Variants in DNAAF10 observed in about 807,000 individuals in gnomAD.
The protein encoded by DNAAF10 is WD repeat domain 92.
Under a neutral mutation model 43.7 loss-of-function variants are expected in DNAAF10, and 28 were observed. The ratio of observed to expected loss-of-function variants is 0.64; its 90% CI spans 0.48 to 0.88. The LOEUF (loss-of-function observed/expected upper bound fraction) is 0.88, where lower values mean the gene tolerates loss of function less well. DNAAF10 is among the 40% of genes least tolerant of loss of function. DNAAF10 has a pLI of 0.00. For synonymous variants in DNAAF10, 156 were observed against 157.3 expected, an observed-to-expected ratio of 0.99 and a Z score of 0.06; for missense variants, 403 against 439.1, an observed-to-expected ratio of 0.92 and a Z score of 0.73.
Position 68,131,203 on chromosome 2 carries a change from C to G in DNAAF10, c.*35G>C. The G allele has an allele frequency of 6.2e-7, 1 of 1,608,578 alleles. No homozygotes were observed. Among genetic ancestry groups the G allele is most frequent in the Non-Finnish European group, 8.5e-7 (1 of 1,175,518 alleles). ...AAAGTGCTGGGATTACAGGAGTGAG[C>G]CACCGTGCCCAGCCTCAAGTCCAAA... On this transcript the variant is annotated 3_prime_UTR_variant, in exon 8 of 8. Transcript: ENST00000295121.
chr2:68,132,922 G>A (rs906393841), intron 7 of DNAAF10, among the ~76,000 whole-genome samples: 2 of 152,202 alleles, frequency 1.3e-5, no homozygotes, highest in South Asian at 2.1e-4. Flanking sequence ...GAAAGTGTTC[G>A]TGTGCCTCAT....
chr2:68,156,002 C>A (rs1177303378), intron 1 of DNAAF10, among the ~76,000 whole-genome samples: 1 of 150,352 alleles, frequency 6.7e-6, no homozygotes, highest in Admixed American at 6.6e-5. Context: ...CACCTGTAGT[C>A]CCAGCTACTT....
chr2:68,147,551 G>A lies in DNAAF10; in HGVS notation c.200C>T (p.Pro67Leu), dbSNP rs758256662. 5.6e-6 allele frequency: 9 copies of A among 1,609,788 alleles called. No individual in the cohort carries two copies. The highest frequency in any genetic ancestry group is 7.6e-6 in the Non-Finnish European group (9 of 1,178,356). ...TGCACCAAATGTTCCACATTTAATAGGTTTGGCCTTTTCAATCTTCATAGA... is the reference window on the plus strand; with the variant it reads ...TGCACCAAATGTTCCACATTTAATAAGTTTGGCCTTTTCAATCTTCATAGA... Reference protein sequence around the residue: ...KLLREIEKAKPIKCGTFGATS... With the variant: ...KLLREIEKAKLIKCGTFGATS... The change falls in exon 2 of 8, where the codon CCT becomes CTT. Residue 67 changes from proline (P) to leucine (L), a missense_variant. Pro to Leu is a moderately conservative substitution (Grantham distance 98). Transcript: ENST00000295121.
At chr2:68,143,464 G>C (rs1558610099) in intron 3 of DNAAF10, among the ~76,000 whole-genome samples, 1 of 152,154 alleles carries the variant, frequency 6.6e-6, no homozygotes, top group African/African-American at 2.4e-5. Flanking sequence ...TTATAGGCGT[G>C]ACTGTACCTG....
intron 3 of DNAAF10, among the ~76,000 whole-genome samples, chr2:68,142,043 A>G (rs1673192330): frequency 6.6e-6 from 1 of 152,194 alleles, no homozygotes; most frequent in African/African-American, 2.4e-5. Context: ...AAGTGTTCCT[A>G]AGTTATCTAC....
At chr2:68,153,693 C>T (rs1243177004) in intron 1 of DNAAF10, among the ~76,000 whole-genome samples, 2 of 150,872 alleles carry the variant, frequency 1.3e-5, no homozygotes, top group Admixed American at 1.3e-4. Flanking sequence ...CAGTATTTAA[C>T]CTATATTTAA....
At chr2:68,152,440 C>T (rs1185133443) in intron 1 of DNAAF10, among the ~76,000 whole-genome samples, 2 of 152,164 alleles carry the variant, frequency 1.3e-5, no homozygotes, top group South Asian at 2.1e-4. Flanking sequence ...GCCATGTTTC[C>T]TCTTTCCTCA....
At chr2:68,153,409 T>A (rs1343341359) in intron 1 of DNAAF10, among the ~76,000 whole-genome samples, 1 of 149,348 alleles carries the variant, frequency 6.7e-6, no homozygotes, top group African/African-American at 2.5e-5. Context: ...TAAGGGTAGA[T>A]CTACGATGAT....
At chr2:68,142,270 T>G (rs1278640439) in intron 3 of DNAAF10, among the ~76,000 whole-genome samples, 1 of 152,156 alleles carries the variant, frequency 6.6e-6, no homozygotes, top group Non-Finnish European at 1.5e-5. Context: ...TCTTTCTTTC[T>G]TTTGTTTTGA....
chr2:68,143,499 A>G lies in DNAAF10; in HGVS notation c.415+1086T>C, dbSNP rs183778885. ...GGCCCAATAAATTTTTTAAAAAATC[A>G]TAAAATATATTTATTCCAAAAGAGT... On this transcript the variant is annotated intron_variant, in intron 3 of 7. Transcript: ENST00000295121. Among the ~76,000 whole-genome samples, 242 of 152,346 alleles carry G rather than the reference A, an allele frequency of 1.6e-3. 2 individuals are homozygous for G. The highest frequency in any genetic ancestry group is 5.6e-3 in the African/African-American group (233 of 41,580).
At position 68,131,388 on chromosome 2, in the gene DNAAF10, T is replaced by A. The variant is rs1446234297; in HGVS notation, c.924A>T (p.Ala308=). 1 of 1,614,066 alleles carries A rather than the reference T, an allele frequency of 6.2e-7. No individual in the cohort carries two copies. Among genetic ancestry groups the A allele is most frequent in the Non-Finnish European group, 8.5e-7 (1 of 1,180,034 alleles). The stretch of plus-strand genomic sequence containing the variant: ...CATTCTGCAGAAGGCTTACAGAACC[T>A]GCGACTCCCATTTCTATTCCCTCAG... ...KDSEGIEMGV[A]GSVSLLQNVT... is the part of the protein sequence containing the mutation. Residue 308 remains alanine (A), a synonymous_variant, in exon 8 of 8, where the codon GCA becomes GCT. Transcript: ENST00000295121.
Position 68,137,450 on chromosome 2 carries a change from C to CT in DNAAF10, c.634-18dup. ...GCTACACACCTGAAAACAGAGAATA[C>CT]TTATTATTGGTAGTCTCACCAGTAT... On this transcript the variant is annotated splice_polypyrimidine_tract_variant and intron_variant, in intron 5 of 7. Transcript: ENST00000295121. 2.5e-6 allele frequency: 4 copies of CT among 1,601,234 alleles called. No individual in the cohort carries two copies. Among genetic ancestry groups the CT allele is most frequent in the Non-Finnish European group, 3.4e-6 (4 of 1,174,240 alleles).
chr2:68,138,604 T>C, intron 5 of DNAAF10, 138 bp downstream of exon 5: 1 of 658,794 alleles, frequency 1.5e-6, no homozygotes, highest in Non-Finnish European at 2.7e-6. Flanking sequence ...CTCAAACGGA[T>C]TTGGCCTCAA....
intron 3 of DNAAF10, 23 bp from the exon 4 acceptor site, chr2:68,141,818 G>T: frequency 6.3e-7 from 1 of 1,599,036 alleles, no homozygotes; most frequent in South Asian, 1.1e-5. Flanking sequence ...AAAGTGAGTT[G>T]GCAAAAATTC....
At chr2:68,146,807 GA>G (rs1673327098) in intron 2 of DNAAF10, among the ~76,000 whole-genome samples, 1 of 152,100 alleles carries the variant, frequency 6.6e-6, no homozygotes, top group African/African-American at 2.4e-5. Context: ...GGGTTTTCTA[GA>G]ACACTCTAGA....
Position 68,157,491 on chromosome 2 carries a change from A to T in DNAAF10, c.-48T>A. On this transcript the variant is annotated 5_prime_UTR_variant, in exon 1 of 8. The change creates a new upstream start codon in the 5' untranslated region. Coordinates refer to ENST00000295121, the MANE Select transcript of DNAAF10 (RefSeq NM_138458.4). ...GCAACCGCCACACCCAGAGCCCCCA[A>T]AAACGGCAACCTGGAAACCAGACTC... is the stretch of plus-strand genomic sequence containing the variant. 1.2e-6 allele frequency: 2 copies of T among 1,613,836 alleles called. No homozygotes were observed. Among genetic ancestry groups the T allele is most frequent in the South Asian group, 2.2e-5 (2 of 91,072 alleles).
intron 3 of DNAAF10, among the ~76,000 whole-genome samples, chr2:68,144,024 T>A (rs1673253581): frequency 6.6e-6 from 1 of 152,190 alleles, no homozygotes; most frequent in South Asian, 2.1e-4. Context: ...GTACCCCTCG[T>A]GAAGCAACAA....
At chr2:68,154,269 C>T (rs562401387) in intron 1 of DNAAF10, among the ~76,000 whole-genome samples, 6 of 151,862 alleles carry the variant, frequency 4.0e-5, no homozygotes, top group African/African-American at 1.2e-4. Flanking sequence ...TTTTTTGAGA[C>T]GGAGTCTTGC....
At chr2:68,133,984 G>C (rs1672977956) in intron 7 of DNAAF10, 1 of 286,232 alleles carries the variant, frequency 3.5e-6, no homozygotes, top group Non-Finnish European at 5.2e-6. Flanking sequence ...TCATTTATGG[G>C]CTTGCTGTTT....
Sources: allele counts gnomAD v4.1 joint callset (sites outside exome capture counted in the v4.1 genomes callset), GRCh38; gene constraint gnomAD v4.1.1; transcripts MANE v1.5; gene names NCBI Gene and HGNC (gene_info 2026-07-23, HGNC 2026-07-21).